C1orf159: variants seen among roughly 807,000 people sequenced by gnomAD.
C1orf159 encodes the protein uncharacterized protein C1orf159.
In C1orf159, 19 loss-of-function variants were observed where a neutral mutation model predicts 25.6. The observed-to-expected ratio is 0.74, with a 90% CI of 0.52 to 1.09. The LOEUF is 1.09. Among genes scored for constraint, C1orf159 ranks in the 50% least tolerant of loss-of-function variants. The pLI is 0.00. For missense variants in C1orf159, 274 were observed against 290.6 expected (o/e 0.94, Z 0.42); for synonymous variants, 139 against 124.7 (o/e 1.12, Z -0.77).
At chr1:1,107,552 G>A (rs1646190994) in intron 1 of C1orf159, among the ~76,000 whole-genome samples, 1 of 152,154 alleles carries the variant, frequency 6.6e-6, no homozygotes, top group African/African-American at 2.4e-5. Context: ...CTAGAGGACT[G>A]TAAATATCAT....
chr1:1,087,061 G>A lies in C1orf159; in HGVS notation c.310+78C>T. The A allele has an allele frequency of 7.1e-7, 1 of 1,407,038 alleles. No individual in the cohort carries two copies. Among genetic ancestry groups the A allele is most frequent in the Non-Finnish European group, 9.8e-7 (1 of 1,019,436 alleles). 87.2% of individuals were successfully genotyped at this position (1,407,038 alleles called of 1,614,324 possible). ...TGAGCCTGCTGTGGCTGCGTCAAGGGTGAGGGTCTGCACTGGCTCCGACGG... is the reference window on the plus strand; with the variant it reads ...TGAGCCTGCTGTGGCTGCGTCAAGGATGAGGGTCTGCACTGGCTCCGACGG... On this transcript the variant is annotated intron_variant, in intron 6 of 9. Transcript: ENST00000421241. This position sits in a 1 kb window ranked among gnomAD's most constrained non-coding sequence, Gnocchi z 8.3.
Position 1,087,363 on chromosome 1 carries a change from C to T in C1orf159, c.244+139G>A, listed in dbSNP as rs1272648416. 1.0e-5 allele frequency: 12 copies of T among 1,168,660 alleles called. No individual in the cohort carries two copies. The highest frequency in any genetic ancestry group is 5.2e-5 in the East Asian group (2 of 38,764). 72.4% of individuals were successfully genotyped at this position (1,168,660 alleles called of 1,614,324 possible). A position where few individuals can be genotyped will look rare whatever the true frequency, so the allele number is the denominator to read the frequency against. On this transcript the variant is annotated intron_variant, in intron 5 of 9. Transcript: ENST00000421241. This position sits in a 1 kb window ranked among gnomAD's most constrained non-coding sequence, Gnocchi z 8.3. ...GCTGTCCCGAATGGCCCAGCAGACTCGGGAAGAGGGGGCTCCCGGGGCTGT... is the reference window on the plus strand; with the variant it reads ...GCTGTCCCGAATGGCCCAGCAGACTTGGGAAGAGGGGGCTCCCGGGGCTGT...
chr1:1,097,766 T>C (rs527504096), intron 1 of C1orf159, among the ~76,000 whole-genome samples: 1 of 152,118 alleles, frequency 6.6e-6, no homozygotes, highest in Admixed American at 6.5e-5. Flanking sequence ...TAGTAGAGGT[T>C]TGTCAATCTT....
chr1:1,101,561 C>A (rs1646100741), intron 1 of C1orf159, among the ~76,000 whole-genome samples: 1 of 152,102 alleles, frequency 6.6e-6, no homozygotes, highest in African/African-American at 2.4e-5. Flanking sequence ...AGCTCATGGT[C>A]TATCGGCTCA....
At position 1,091,574 on chromosome 1, in the gene C1orf159, G is replaced by A. The variant is rs1259055272; in HGVS notation, c.-22-9C>T. ...GAGCAGATGCGCAGAGCCTGCCACA[G>A]GGAGGAGCATGCGGAGCCAAAGAGA... On this transcript the variant is annotated splice_polypyrimidine_tract_variant and intron_variant, in intron 2 of 9. Coordinates refer to ENST00000421241, the MANE Select transcript of C1orf159 (RefSeq NM_017891.5). 2 of 1,543,948 alleles carry A rather than the reference G, an allele frequency of 1.3e-6. No individual in the cohort carries two copies.
chr1:1,099,011 A>G (rs529175759), intron 1 of C1orf159, among the ~76,000 whole-genome samples: 2 of 152,234 alleles, frequency 1.3e-5, no homozygotes, highest in Non-Finnish European at 2.9e-5. Flanking sequence ...TTATTGTTCC[A>G]AGAATCGGAG....
chr1:1,092,362 G>A (rs1237782000), intron 1 of C1orf159: 1 of 184,956 alleles, frequency 5.4e-6, no homozygotes, highest in African/African-American at 2.4e-5. Flanking sequence ...CCTTTGCTCA[G>A]GGACCAGGTA....
intron 1 of C1orf159, among the ~76,000 whole-genome samples, chr1:1,104,570 G>T (rs1353524427): frequency 3.9e-5 from 6 of 152,172 alleles, no homozygotes; most frequent in Non-Finnish European, 7.3e-5. Context: ...CAGAAACCAA[G>T]GCGATTTTAG....
intron 9 of C1orf159, chr1:1,083,229 C>T (rs770707653): frequency 8.6e-5 from 41 of 477,912 alleles, no homozygotes; most frequent in Middle Eastern, 5.4e-4. Flanking sequence ...CCCTGGGCCC[C>T]GGGGCCTGGA....
At chr1:1,084,648 G>A (rs1645800724) in intron 7 of C1orf159, 142 bp from the exon 8 acceptor site, 3 of 1,031,200 alleles carry the variant, frequency 2.9e-6, no homozygotes, top group Admixed American at 5.0e-5. Context: ...GAGGCCCCGG[G>A]GCTGCAGGGT....
At chr1:1,083,965 C>T (rs375218272) in intron 9 of C1orf159, 138 of 1,603,946 alleles carry the variant, frequency 8.6e-5, no homozygotes, top group Non-Finnish European at 1.1e-4. Flanking sequence ...GCGATGGCTG[C>T]TCAGGAGGGC....
chr1:1,091,583 A>T lies in C1orf159; in HGVS notation c.-22-18T>A, dbSNP rs541660259. On this transcript the variant is annotated intron_variant, in intron 2 of 9. Transcript: ENST00000421241. ...CGCAGAGCCTGCCACAGGGAGGAGC[A>T]TGCGGAGCCAAAGAGATGGAGTGGG... 2,797 of 1,408,448 alleles carry T rather than the reference A, an allele frequency of 2.0e-3. 26 individuals carry two copies. In the African/African-American group the frequency reaches 0.024, roughly 12 times the overall value. The allele number at this position is 1,408,448 out of a possible 1,614,324, so 87.2% of individuals were successfully genotyped here. A position where few individuals can be genotyped will look rare whatever the true frequency, so the allele number is the denominator to read the frequency against.
rs891316563 is a variant in C1orf159, at chr1:1,090,396, C to T, written c.105G>A (p.Val35=). 7 of 1,549,838 alleles carry T rather than the reference C, an allele frequency of 4.5e-6. No individual in the cohort carries two copies. The South Asian group carries it at 4.8e-5, about 11-fold the overall frequency. ...AQLPECCVDV[V]GVNASCPGAS... ...CGCCTGGGCAGCTGGCGTTGACGCC[C>T]ACCACATCCACACAGCACTCGGGCA... The change falls in exon 4 of 10, where the codon GTG becomes GTA. Residue 35 remains valine, a synonymous_variant. Transcript: ENST00000421241.
In C1orf159 at chr1:1,114,417, G is replaced by A. The variant is rs1646305748; in HGVS notation, c.-136+1643C>T. On this transcript the variant is annotated intron_variant, in intron 1 of 9. Transcript: ENST00000421241. The stretch of plus-strand genomic sequence containing the variant: ...TGGTCTCAAGCGATCTCCCACCCCA[G>A]CACCCACAGCGCTAGCTGTTCTTTA... Among the ~76,000 whole-genome samples the A allele has an allele frequency of 2.0e-5, 3 of 152,282 alleles. 1 individual carries two copies. The South Asian group carries it at 6.2e-4, about 32-fold the overall frequency.
At chr1:1,115,329 AC>A (rs1480388122) in intron 1 of C1orf159, among the ~76,000 whole-genome samples, 2 of 152,176 alleles carry the variant, frequency 1.3e-5, no homozygotes, top group Non-Finnish European at 2.9e-5. Context: ...CAGGTGACAA[AC>A]GGACAAAAAC....
intron 1 of C1orf159, among the ~76,000 whole-genome samples, chr1:1,097,354 C>A (rs535558453): frequency 6.6e-6 from 1 of 152,132 alleles, no homozygotes; most frequent in African/African-American, 2.4e-5. Flanking sequence ...ATCCGCCCAC[C>A]TTGGCATCCC....
At chr1:1,101,092 C>T (rs1041281150) in intron 1 of C1orf159, among the ~76,000 whole-genome samples, 4 of 152,278 alleles carry the variant, frequency 2.6e-5, no homozygotes, top group African/African-American at 9.6e-5. Flanking sequence ...TTTCCTTTTT[C>T]TGAAAATATT....
rs527906364 is a variant in C1orf159, at chr1:1,087,302, G to A, written c.245-98C>T. 4.0e-5 allele frequency: 52 copies of A among 1,297,654 alleles called. No individual in the cohort carries two copies. The highest frequency in any genetic ancestry group is 3.7e-4 in the Admixed American group (15 of 41,080). 80.4% of individuals were successfully genotyped at this position (1,297,654 alleles called of 1,614,324 possible). ...GATCTCAGGACGGAAATATGAAAGCGAGGGGCTGAGGGGGCGGAGCAGCCC... is the reference window on the plus strand; with the variant it reads ...GATCTCAGGACGGAAATATGAAAGCAAGGGGCTGAGGGGGCGGAGCAGCCC... On this transcript the variant is annotated intron_variant, in intron 5 of 9. Transcript: ENST00000421241. The surrounding 1 kb of genome is among the most constrained non-coding windows in gnomAD (Gnocchi z 8.3).
intron 1 of C1orf159, among the ~76,000 whole-genome samples, chr1:1,111,838 G>A (rs1646260854): frequency 6.6e-6 from 1 of 152,212 alleles, no homozygotes; most frequent in African/African-American, 2.4e-5. Context: ...AGCAAGCAAA[G>A]GAAGCCAACG....
Sources: gnomAD v4.1 joint callset for allele counts (sites outside exome capture counted in the v4.1 genomes callset) on GRCh38, gnomAD v4.1.1 for gene constraint, Gnocchi (gnomAD v3.1) non-coding constraint, MANE v1.5 for transcripts, NCBI Gene and HGNC (gene_info 2026-07-23, HGNC 2026-07-21) for gene names.